The following IL1RAPL1 variants were observed in gnomAD, a reference collection of about 807,000 sequenced individuals.
The protein encoded by IL1RAPL1 is interleukin 1 receptor accessory protein like 1.
IL1RAPL1 carries 3 observed loss-of-function variants against 48.4 expected under a neutral mutation model. The observed-to-expected ratio is 0.06, with a 90% CI of 0.03 to 0.16. IL1RAPL1 has a LOEUF of 0.16. Ranked by LOEUF, IL1RAPL1 falls within the 10% of genes least tolerant of loss-of-function variation. The pLI is 1.00. For synonymous variants in IL1RAPL1, 185 were observed against 187.7 expected (o/e 0.99, Z 0.12); for missense variants, 349 against 530.6 (o/e 0.66, Z 3.36).
rs147862255 is a variant in IL1RAPL1, at chrX:29,046,792, G to A, written c.83-236146G>A. ...TTGATTTCGATTGTCCTAAAATGGAGGAAAACTTGCTGCTGGCAAAAGGAA... is the reference window on the plus strand; with the variant it reads ...TTGATTTCGATTGTCCTAAAATGGAAGAAAACTTGCTGCTGGCAAAAGGAA... On this transcript the variant is annotated intron_variant, in intron 2 of 10. Coordinates refer to ENST00000378993, the MANE Select transcript of IL1RAPL1 (RefSeq NM_014271.4). 2.1e-4 allele frequency among the ~76,000 whole-genome samples: 24 copies of A among 112,011 alleles called. 1 individual carries two copies. Among genetic ancestry groups the A allele is most frequent in the African/African-American group, 6.2e-4 (19 of 30,870 alleles).
intron 3 of IL1RAPL1, among the ~76,000 whole-genome samples, chrX:29,333,684 A>G (rs1295039051): frequency 1.4e-5 from 1 of 71,947 alleles, no homozygotes; most frequent in South Asian, 8.3e-4. Context: ...CACCTCCCGG[A>G]CTGGGTGGCT....
At chrX:29,498,166 TCGTG>T (rs1267763648) in intron 5 of IL1RAPL1, among the ~76,000 whole-genome samples, 1 of 112,222 alleles carries the variant, frequency 8.9e-6, no homozygotes, top group East Asian at 2.8e-4. Flanking sequence ...CCTTTGACAG[TCGTG>T]ATTTTTCTGT....
At chrX:29,903,183 T>TGTGA (rs1467570277) in intron 6 of IL1RAPL1, among the ~76,000 whole-genome samples, 22 of 93,024 alleles carry the variant, frequency 2.4e-4, no homozygotes, top group Middle Eastern at 5.5e-3. Context: ...TGTGTGTGTG[T>TGTGA]GAGAGAGAGA....
At chrX:29,081,022 T>TTC (rs1170086233) in intron 2 of IL1RAPL1, among the ~76,000 whole-genome samples, 8 of 39,244 alleles carry the variant, frequency 2.0e-4, no homozygotes, top group Non-Finnish European at 2.7e-4. Flanking sequence ...CTCTCTCTCT[T>TTC]TCTTTTCTTT....
chrX:28,709,686 G>A (rs1311160915), intron 1 of IL1RAPL1, among the ~76,000 whole-genome samples: 1 of 110,998 alleles, frequency 9.0e-6, no homozygotes, highest in African/African-American at 3.3e-5. Flanking sequence ...AAATTAAAAT[G>A]GCACAATATG....
intron 6 of IL1RAPL1, among the ~76,000 whole-genome samples, chrX:29,837,272 A>AATATATATAT (rs1229668903): frequency 1.2e-4 from 9 of 72,114 alleles, no homozygotes; most frequent in African/African-American, 2.9e-4. Flanking sequence ...AAAAAAAAAA[A>AATATATATAT]ATATATATAT....
At chrX:28,803,683 T>C (rs941719213) in intron 2 of IL1RAPL1, among the ~76,000 whole-genome samples, 3 of 111,955 alleles carry the variant, frequency 2.7e-5, no homozygotes, top group Non-Finnish European at 5.6e-5. Flanking sequence ...ATCTAAAATA[T>C]GTACAACTGT....
intron 2 of IL1RAPL1, among the ~76,000 whole-genome samples, chrX:29,077,178 A>G (rs1022710853): frequency 1.2e-4 from 13 of 112,579 alleles, no homozygotes; most frequent in African/African-American, 4.2e-4. Context: ...AAGCTATTGC[A>G]CGATTTTGGG....
intron 3 of IL1RAPL1, among the ~76,000 whole-genome samples, chrX:29,334,233 TG>T (rs1377327994): frequency 1.6e-5 from 1 of 61,492 alleles, no homozygotes; most frequent in African/African-American, 7.5e-5. Context: ...ACGGGGCGGC[TG>T]GCCGGGCAGA....
chrX:28,646,020 G>A (rs1265291485), intron 1 of IL1RAPL1, among the ~76,000 whole-genome samples: 1 of 111,838 alleles, frequency 8.9e-6, no homozygotes, highest in Non-Finnish European at 1.9e-5. Context: ...CTTCACCCAG[G>A]CACAGCTAAT....
chrX:29,203,273 A>G (rs1930592907), intron 2 of IL1RAPL1, among the ~76,000 whole-genome samples: 1 of 111,232 alleles, frequency 9.0e-6, no homozygotes, highest in African/African-American at 3.3e-5. Flanking sequence ...ATTTGTTTTT[A>G]TTGATACACA....
intron 2 of IL1RAPL1, among the ~76,000 whole-genome samples, chrX:28,994,709 C>T (rs773245369): frequency 5.3e-4 from 59 of 111,483 alleles, no homozygotes; most frequent in Non-Finnish European, 1.0e-3. Flanking sequence ...TCTCAATTCT[C>T]GTGAGAATTT....
chrX:28,958,893 C>G lies in IL1RAPL1; in HGVS notation c.82+169468C>G, dbSNP rs189454677. On this transcript the variant is annotated intron_variant, in intron 2 of 10. Transcript: ENST00000378993. ...GTAAAATAAAGAGAAATGTCTCTGA[C>G]AAAAAAAAGTTTTTCTAAGTAATTA... Among the ~76,000 whole-genome samples, 111 of 110,157 alleles carry G rather than the reference C, an allele frequency of 1.0e-3. 4 individuals are homozygous for G. In the East Asian group the frequency reaches 0.031, roughly 31 times the overall value.
intron 5 of IL1RAPL1, among the ~76,000 whole-genome samples, chrX:29,522,890 T>TTC (rs1162926955): frequency 9.1e-6 from 1 of 110,316 alleles, no homozygotes; most frequent in South Asian, 3.8e-4. Context: ...TTCATCTGTG[T>TTC]TCTCTCTCTC....
intron 1 of IL1RAPL1, among the ~76,000 whole-genome samples, chrX:28,717,032 C>T (rs1426013990): frequency 2.7e-5 from 3 of 111,884 alleles, no homozygotes; most frequent in Non-Finnish European, 5.6e-5. Flanking sequence ...GAAGAAAGAA[C>T]ACTTATACAC....
chrX:29,906,460 AAT>A (rs1164023016), intron 6 of IL1RAPL1, among the ~76,000 whole-genome samples: 24 of 29,852 alleles, frequency 8.0e-4, no homozygotes, highest in East Asian at 1.6e-3. Flanking sequence ...TAACTTTGTA[AAT>A]ATATATATAT....
At chrX:29,091,146 T>C (rs889961070) in intron 2 of IL1RAPL1, among the ~76,000 whole-genome samples, 1 of 112,304 alleles carries the variant, frequency 8.9e-6, no homozygotes, top group Admixed American at 9.5e-5. Flanking sequence ...TCTTTACTCC[T>C]GAATGTGGAA....
intron 2 of IL1RAPL1, among the ~76,000 whole-genome samples, chrX:29,238,436 T>A (rs1267695563): frequency 8.9e-6 from 1 of 112,063 alleles, no homozygotes; most frequent in African/African-American, 3.2e-5. Context: ...TATTGATTAT[T>A]ATAATTCTGG....
rs766680904 is a variant in IL1RAPL1, at chrX:29,364,562, CAAAAAA to C, written c.363-31680_363-31675del. On this transcript the variant is annotated intron_variant, in intron 3 of 10. Transcript: ENST00000378993. ...TGGGCTACCGAGTGGGACTCTATCT[CAAAAAA>C]AAAAAAAAAAAAAAAGAAAAAATAT... Among the ~76,000 whole-genome samples, 10 of 43,581 alleles carry C rather than the reference CAAAAAA, an allele frequency of 2.3e-4. 1 individual carries two copies. Among genetic ancestry groups the C allele is most frequent in the African/African-American group, 8.9e-5 (1 of 11,191 alleles). The allele number at this position is 43,581 out of a possible 115,157, so 37.8% of individuals were successfully genotyped here.
Sources: allele counts gnomAD v4.1 joint callset (sites outside exome capture counted in the v4.1 genomes callset), GRCh38; gene constraint gnomAD v4.1.1; transcripts MANE v1.5; gene names NCBI Gene and HGNC (gene_info 2026-07-23, HGNC 2026-07-21).